KANK1: variants seen among roughly 807,000 people sequenced by gnomAD.
KANK1 encodes the protein KN motif and ankyrin repeat domains 1.
In KANK1, 109 loss-of-function variants were observed where a neutral mutation model predicts 106.2. That is an observed-to-expected ratio of 1.03 (90% CI 0.88 to 1.20). KANK1 has a LOEUF of 1.20. KANK1 is among the 50% of genes most tolerant of loss of function. The pLI, the probability that KANK1 is intolerant of heterozygous loss-of-function variation, is 0.00. For missense variants in KANK1, 2,399 were observed against 1,710.7 expected, an observed-to-expected ratio of 1.40 and a Z score of -7.10; for synonymous variants, 873 against 652.2, an observed-to-expected ratio of 1.34 and a Z score of -5.16.
At chr9:701,954 C>A (rs186149865) in intron 2 of KANK1, among the ~76,000 whole-genome samples, 28 of 152,282 alleles carry the variant, frequency 1.8e-4, no homozygotes, top group African/African-American at 6.0e-4. Context: ...AAGCAAATTT[C>A]TCACTGTTCT....
At chr9:739,465 T>C (rs1268205625) in intron 8 of KANK1, among the ~76,000 whole-genome samples, 1 of 152,220 alleles carries the variant, frequency 6.6e-6, no homozygotes, top group Non-Finnish European at 1.5e-5. Context: ...TTCCTTTCTC[T>C]TATAAGTGTG....
intron 1 of KANK1, among the ~76,000 whole-genome samples, chr9:629,614 G>C (rs10975482): frequency 1.3e-5 from 2 of 151,936 alleles, no homozygotes; most frequent in Admixed American, 6.6e-5. Flanking sequence ...GAAGTGCATT[G>C]GTCTCTGAAG....
At chr9:722,834 A>G (rs2131388208) in intron 3 of KANK1, among the ~76,000 whole-genome samples, 1 of 152,298 alleles carries the variant, frequency 6.6e-6, no homozygotes, top group South Asian at 2.1e-4. Context: ...CACTGTTCTA[A>G]GCACTGGACA....
intron 1 of KANK1, among the ~76,000 whole-genome samples, chr9:630,277 C>T (rs571854029): frequency 6.6e-6 from 1 of 151,704 alleles, no homozygotes; most frequent in African/African-American, 2.4e-5. Flanking sequence ...AGTTGGGGGG[C>T]AGGCACGGTG....
intron 1 of KANK1, among the ~76,000 whole-genome samples, chr9:560,438 A>G (rs1253613728): frequency 6.6e-6 from 1 of 152,138 alleles, no homozygotes; most frequent in African/African-American, 2.4e-5. Context: ...AGGAAAGTTT[A>G]TACTTTATTT....
At chr9:734,617 G>T in intron 6 of KANK1, 131 bp from the exon 7 acceptor site, 3 of 602,228 alleles carry the variant, frequency 5.0e-6, no homozygotes. Flanking sequence ...AGTGAGCCAA[G>T]ATCATGCCAC....
chr9:537,553 C>G (rs548394401), intron 1 of KANK1, among the ~76,000 whole-genome samples: 1 of 151,954 alleles, frequency 6.6e-6, no homozygotes, highest in South Asian at 2.1e-4. Flanking sequence ...TTGATTGATT[C>G]ATATGTTGAA....
At chr9:616,278 C>G (rs1267683292) in intron 1 of KANK1, among the ~76,000 whole-genome samples, 1 of 152,166 alleles carries the variant, frequency 6.6e-6, no homozygotes, top group Admixed American at 6.5e-5. Context: ...GCAGTCACTT[C>G]AGTGAGTCCT....
intron 1 of KANK1, among the ~76,000 whole-genome samples, chr9:575,238 T>G (rs1306371150): frequency 6.6e-6 from 1 of 152,218 alleles, no homozygotes; most frequent in Non-Finnish European, 1.5e-5. Context: ...ATTTGTATAA[T>G]TTGGAGATAA....
At chr9:732,705 T>A in intron 6 of KANK1, 88 bp downstream of exon 6, 6 of 1,442,366 alleles carry the variant, frequency 4.2e-6, no homozygotes, top group Non-Finnish European at 5.7e-6. Flanking sequence ...CTTTTGTAAT[T>A]AAATGTTTGC....
At chr9:584,879 A>C (rs990129353) in intron 1 of KANK1, among the ~76,000 whole-genome samples, 2 of 152,172 alleles carry the variant, frequency 1.3e-5, no homozygotes, top group Non-Finnish European at 2.9e-5. Flanking sequence ...TTGAGAGCCA[A>C]AGTTCTTGGC....
At chr9:556,365 A>G (rs2061582284) in intron 1 of KANK1, among the ~76,000 whole-genome samples, 1 of 152,076 alleles carries the variant, frequency 6.6e-6, no homozygotes, top group African/African-American at 2.4e-5. Flanking sequence ...GACTTAGGGA[A>G]CCTTGGTTTC....
intron 1 of KANK1, among the ~76,000 whole-genome samples, chr9:636,159 C>T (rs1355291222): frequency 6.6e-6 from 1 of 152,092 alleles, no homozygotes; most frequent in Non-Finnish European, 1.5e-5. Flanking sequence ...TTCAGTTGGC[C>T]TGGGTTAGGG....
At chr9:522,381 A>G (rs1319227238) in intron 1 of KANK1, among the ~76,000 whole-genome samples, 2 of 151,730 alleles carry the variant, frequency 1.3e-5, no homozygotes, top group African/African-American at 4.9e-5. Flanking sequence ...GGGAGTGCAC[A>G]TACACACAGC....
intron 1 of KANK1, among the ~76,000 whole-genome samples, chr9:650,080 A>C (rs936183219): frequency 3.9e-5 from 6 of 152,206 alleles, no homozygotes; most frequent in African/African-American, 1.4e-4. Context: ...TGCCAGCATT[A>C]ATATGAAATT....
chr9:483,492 C>T (rs1587212999), intron 3 of KANK1, among the ~76,000 whole-genome samples: 1 of 152,146 alleles, frequency 6.6e-6, no homozygotes, highest in Non-Finnish European at 1.5e-5. Flanking sequence ...ATTTCTGTTA[C>T]CATAGGCCAG....
intron 1 of KANK1, among the ~76,000 whole-genome samples, chr9:629,678 TCA>T (rs776469443): frequency 2.0e-5 from 3 of 152,148 alleles, no homozygotes; most frequent in Non-Finnish European, 4.4e-5. Flanking sequence ...CTCAAACAAC[TCA>T]GTTACAGTGC....
chr9:680,247 G>A (rs567553416), intron 2 of KANK1, among the ~76,000 whole-genome samples: 1 of 152,196 alleles, frequency 6.6e-6, no homozygotes, highest in African/African-American at 2.4e-5. Flanking sequence ...AGCAAAAGAG[G>A]AGCCTCTGGG....
chr9:533,466 T>TA (rs1305945212), intron 1 of KANK1, among the ~76,000 whole-genome samples: 1 of 152,224 alleles, frequency 6.6e-6, no homozygotes, highest in Admixed American at 6.5e-5. Context: ...AGGCACAGTC[T>TA]AAATACTACC....
Sources: allele counts gnomAD v4.1 joint callset (sites outside exome capture counted in the v4.1 genomes callset), GRCh38; gene constraint gnomAD v4.1.1; transcripts MANE v1.5; gene names NCBI Gene and HGNC (gene_info 2026-07-23, HGNC 2026-07-21).